Variants in CDK8 observed in about 807,000 individuals in gnomAD.
CDK8 encodes cyclin-dependent kinase 8.
CDK8 carries 29 observed loss-of-function variants against 71.5 expected under a neutral mutation model. The ratio of observed to expected loss-of-function variants is 0.41; its 90% confidence interval spans 0.30 to 0.55. The LOEUF is 0.55. CDK8 is among the 20% of genes least tolerant of loss of function. The pLI, the probability that CDK8 is intolerant of heterozygous loss-of-function variation, is 0.37. For synonymous variants in CDK8, 161 were observed against 192.1 expected (o/e 0.84, Z 1.34); for missense variants, 288 against 572.6 (o/e 0.50, Z 5.07).
At chr13:26,365,391 G>GTACTGTTT (rs1194458041) in intron 4 of CDK8, among the ~76,000 whole-genome samples, 2 of 152,024 alleles carry the variant, frequency 1.3e-5, no homozygotes, top group African/African-American at 4.8e-5. Context: ...CATGCACAAT[G>GTACTGTTT]TACTGTTTTA....
Position 26,401,932 on chromosome 13 carries a change from C to G in CDK8, c.1269+308C>G, listed in dbSNP as rs1357332844. On this transcript the variant is annotated intron_variant, in intron 12 of 12. Coordinates refer to ENST00000381527, the MANE Select transcript of CDK8 (RefSeq NM_001260.3). The surrounding 1 kb of genome is among the most constrained non-coding windows in gnomAD (Gnocchi z 4.5). ...AATGAAACTAGTAAAACCTAACTTGCAGCTGTTGTCAGATTAGACATGAAG... is the reference window on the plus strand; with the variant it reads ...AATGAAACTAGTAAAACCTAACTTGGAGCTGTTGTCAGATTAGACATGAAG... Among the ~76,000 whole-genome samples, 2 of 152,192 alleles carry G rather than the reference C, an allele frequency of 1.3e-5. No homozygotes were observed.
intron 4 of CDK8, among the ~76,000 whole-genome samples, chr13:26,363,059 C>T (rs1174035820): frequency 1.3e-5 from 2 of 148,796 alleles, no homozygotes; most frequent in African/African-American, 2.5e-5. Flanking sequence ...GTATTTCTCA[C>T]GCCTGTAATC....
intron 4 of CDK8, among the ~76,000 whole-genome samples, chr13:26,378,887 G>T (rs976382866): frequency 6.6e-6 from 1 of 152,146 alleles, no homozygotes; most frequent in Non-Finnish European, 1.5e-5. Context: ...TTTTTTGGGC[G>T]AGTAGAATAT....
intron 1 of CDK8, among the ~76,000 whole-genome samples, chr13:26,289,919 C>A (rs1873218463): frequency 6.6e-6 from 1 of 152,178 alleles, no homozygotes; most frequent in African/African-American, 2.4e-5. Context: ...GACCTAAGAT[C>A]TTTCTACTGT....
chr13:26,403,972 C>T lies in CDK8; in HGVS notation c.1286C>T (p.Ala429Val), dbSNP rs757055221. ...TSDYQRSNPH[A>V]AYPNPGPSTS... ...CCTTTCCAGCGTTCCAATCCACATG[C>T]TGCCTATCCCAACCCTGGACCAAGC... is the stretch of plus-strand genomic sequence containing the variant. The change falls in exon 13 of 13, where the codon GCT becomes GTT. Residue 429 changes from alanine to valine, a missense_variant. Around this residue, in one of 6 missense-constraint regions of CDK8, gnomAD observed 76 missense variants for 99.7 expected, o/e 0.76. Coordinates refer to ENST00000381527, the MANE Select transcript of CDK8 (RefSeq NM_001260.3). 1 of 1,612,992 alleles carries T rather than the reference C, an allele frequency of 6.2e-7. No individual in the cohort carries two copies. The highest frequency in any genetic ancestry group is 8.5e-7 in the Non-Finnish European group (1 of 1,179,980).
intron 2 of CDK8, among the ~76,000 whole-genome samples, chr13:26,339,478 C>T: frequency 6.6e-6 from 1 of 151,864 alleles, no homozygotes; most frequent in East Asian, 1.9e-4. Context: ...CTCTACCTTT[C>T]TAGCAAGACT....
chr13:26,280,068 C>G (rs1420477416), intron 1 of CDK8, among the ~76,000 whole-genome samples: 1 of 151,966 alleles, frequency 6.6e-6, no homozygotes, highest in African/African-American at 2.4e-5. Flanking sequence ...CCTTCAATTT[C>G]TTATTAGGTT....
At chr13:26,386,069 CT>C (rs1486913007) in intron 6 of CDK8, among the ~76,000 whole-genome samples, 1 of 152,156 alleles carries the variant, frequency 6.6e-6, no homozygotes, top group African/African-American at 2.4e-5. Flanking sequence ...TTTTAATCCA[CT>C]TTTCTGTTTT....
chr13:26,320,401 T>A (rs1175710), intron 1 of CDK8, among the ~76,000 whole-genome samples: 132,425 of 151,888 alleles, frequency 0.87, 58,310 homozygotes, highest in East Asian at 1. Flanking sequence ...ACAAAGCAAG[T>A]CCCCATCTCT....
intron 2 of CDK8, among the ~76,000 whole-genome samples, chr13:26,339,923 G>A (rs1225248022): frequency 1.3e-5 from 2 of 149,970 alleles, no homozygotes; most frequent in African/African-American, 4.9e-5. Context: ...TTTCTTTACC[G>A]AGCTGGTTAG....
At chr13:26,368,520 C>T (rs1874500599) in intron 4 of CDK8, among the ~76,000 whole-genome samples, 1 of 152,162 alleles carries the variant, frequency 6.6e-6, no homozygotes, top group African/African-American at 2.4e-5. Flanking sequence ...TTTACTATCA[C>T]ACCACGGAGG....
At chr13:26,396,487 A>G (rs1565999028) in intron 8 of CDK8, 133 bp downstream of exon 8, 2 of 358,350 alleles carry the variant, frequency 5.6e-6, no homozygotes, top group Admixed American at 4.8e-5. Context: ...ATTTACTCTA[A>G]TAAATATTTT....
chr13:26,377,120 A>G (rs546972932), intron 4 of CDK8, among the ~76,000 whole-genome samples: 1 of 152,396 alleles, frequency 6.6e-6, no homozygotes, highest in Non-Finnish European at 1.5e-5. Context: ...GGACTTCTTA[A>G]GTAAGTCAGA....
At position 26,280,626 on chromosome 13, in the gene CDK8, A is replaced by C. The variant is rs2117929; in HGVS notation, c.128+25857A>C. 2.2e-3 allele frequency among the ~76,000 whole-genome samples: 332 copies of C among 152,330 alleles called. 2 individuals carry two copies. In the East Asian group the frequency reaches 0.033, roughly 15 times the overall value. ...AATGAACAGAGTATCTTCTTTTGTG[A>C]AATACCTGTTCAAGTGTTTTGCCTG... On this transcript the variant is annotated intron_variant, in intron 1 of 12. Transcript: ENST00000381527.
At chr13:26,274,941 A>G (rs1469926302) in intron 1 of CDK8, among the ~76,000 whole-genome samples, 1 of 152,190 alleles carries the variant, frequency 6.6e-6, no homozygotes, top group Non-Finnish European at 1.5e-5. Context: ...ATGGGTTTCA[A>G]AATTACAGTT....
At chr13:26,319,683 CTTT>C (rs57713231) in intron 1 of CDK8, among the ~76,000 whole-genome samples, 26 of 137,470 alleles carry the variant, frequency 1.9e-4, no homozygotes, top group Non-Finnish European at 2.4e-4. Context: ...ATCCAAATGG[CTTT>C]TTTTTTTTTT....
chr13:26,317,319 T>C (rs1173680990), intron 1 of CDK8, among the ~76,000 whole-genome samples: 1 of 152,050 alleles, frequency 6.6e-6, no homozygotes, highest in East Asian at 1.9e-4. Context: ...TCAAAATGCA[T>C]GAAAGGAAAA....
chr13:26,349,314 T>C (rs1466312406), intron 3 of CDK8, 132 bp downstream of exon 3: 1 of 622,656 alleles, frequency 1.6e-6, no homozygotes, highest in Admixed American at 3.0e-5. Context: ...GTGTGGTTGG[T>C]GGCATGACGA....
At chr13:26,296,786 G>A (rs1343454064) in intron 1 of CDK8, among the ~76,000 whole-genome samples, 1 of 152,160 alleles carries the variant, frequency 6.6e-6, no homozygotes, top group South Asian at 2.1e-4. Context: ...ACAAGAGCAT[G>A]GGGTTTAATT....
Sources: allele counts gnomAD v4.1 joint callset (sites outside exome capture counted in the v4.1 genomes callset), GRCh38; gene constraint gnomAD v4.1.1; regional missense constraint gnomAD v4.1.1; non-coding constraint Gnocchi (gnomAD v3.1); transcripts MANE v1.5; gene names NCBI Gene and HGNC (gene_info 2026-07-23, HGNC 2026-07-21).